The following ROBO2 variants were observed in gnomAD, a reference collection of about 807,000 sequenced individuals.
ROBO2 encodes roundabout homolog 2.
A neutral mutation model predicts 160.8 loss-of-function variants in ROBO2; 53 were observed. The ratio of observed to expected loss-of-function variants is 0.33; its 90% CI spans 0.26 to 0.41. The LOEUF is 0.41. Ranked by LOEUF, ROBO2 falls within the 10% of genes least tolerant of loss-of-function variation. ROBO2 has a pLI of 1.00. For synonymous variants in ROBO2, 664 were observed against 611.7 expected (o/e 1.09, Z -1.26); for missense variants, 1,577 against 1,722.4 (o/e 0.92, Z 1.49).
intron 2 of ROBO2, among the ~76,000 whole-genome samples, chr3:76,947,995 T>C (rs1162532822): frequency 6.6e-6 from 1 of 152,228 alleles, no homozygotes; most frequent in African/African-American, 2.4e-5. Flanking sequence ...AGGATAATTT[T>C]CCTTTGTTTT....
chr3:77,380,908 T>G (rs1188959785), intron 2 of ROBO2, among the ~76,000 whole-genome samples: 1 of 150,696 alleles, frequency 6.6e-6, no homozygotes. Flanking sequence ...TCAAAGAGAG[T>G]AAAATCACAG....
intron 2 of ROBO2, among the ~76,000 whole-genome samples, chr3:76,208,963 T>A (rs139270934): frequency 3.4e-4 from 52 of 152,300 alleles, no homozygotes; most frequent in African/African-American, 1.1e-3. Flanking sequence ...CCTGCTTTCA[T>A]GAAACAAATG....
chr3:77,609,791 CATAT>C lies in ROBO2; in HGVS notation c.3293+1854_3293+1857del, dbSNP rs34908269. ...TACATATTTGGAAACTTTATATATA[CATAT>C]ATATATATATATATATTTATATGTA... On this transcript the variant is annotated intron_variant, in intron 21 of 25. Transcript: ENST00000461745. Among the ~76,000 whole-genome samples the C allele has an allele frequency of 3.7e-3, 530 of 143,646 alleles. 4 individuals carry two copies. The highest frequency in any genetic ancestry group is 4.5e-3 in the Admixed American group (64 of 14,278). 94.2% of individuals were successfully genotyped at this position (143,646 alleles called of 152,430 possible).
intron 20 of ROBO2, among the ~76,000 whole-genome samples, chr3:77,606,878 T>C (rs1306696450): frequency 6.6e-6 from 1 of 152,212 alleles, no homozygotes; most frequent in Non-Finnish European, 1.5e-5. Context: ...AGTTATATAG[T>C]GTCCCCTGAA....
chr3:76,845,475 C>T (rs1473280308), intron 2 of ROBO2, among the ~76,000 whole-genome samples: 1 of 151,830 alleles, frequency 6.6e-6, no homozygotes. Context: ...CTTTATCTTT[C>T]CAATGTGACA....
chr3:77,283,337 A>G lies in ROBO2; in HGVS notation c.388+184997A>G, dbSNP rs147175379. On this transcript the variant is annotated intron_variant, in intron 2 of 25. Coordinates refer to ENST00000461745, the Ensembl canonical transcript of ROBO2. ...CAACGTTACAGGCCACCTGCACTTC[A>G]AAGAATTTACATTGGAGCAGATGGA... is the stretch of plus-strand genomic sequence containing the variant. Among the ~76,000 whole-genome samples, 762 of 152,322 alleles carry G rather than the reference A, an allele frequency of 5.0e-3. 6 individuals carry two copies. The highest frequency in any genetic ancestry group is 0.031 in the Middle Eastern group (9 of 294).
rs1428158272 is a variant in ROBO2, at chr3:76,608,248, G to T, written c.110-489766G>T. On this transcript the variant is annotated intron_variant, in intron 2 of 26. Transcript: ENST00000487694. ...TATCATCCTTTCTCACCCTTCTTGG[G>T]CAGTGATGCTTTGTCTTCTTGAAGT... Among the ~76,000 whole-genome samples, 3 of 152,106 alleles carry T rather than the reference G, an allele frequency of 2.0e-5. No homozygotes were observed. The East Asian group carries it at 5.8e-4, about 29-fold the overall frequency.
At chr3:77,593,528 G>T (rs1226253818) in intron 17 of ROBO2, among the ~76,000 whole-genome samples, 1 of 152,068 alleles carries the variant, frequency 6.6e-6, no homozygotes, top group African/African-American at 2.4e-5. Flanking sequence ...ATGCATTTGA[G>T]ATATTACACA....
intron 2 of ROBO2, among the ~76,000 whole-genome samples, chr3:76,749,868 G>A (rs7426465): frequency 0.018 from 2,750 of 152,048 alleles, 69 homozygotes; most frequent in African/African-American, 0.058. Flanking sequence ...TACCAGAGGT[G>A]CAAAGAGGAG....
chr3:76,236,326 A>T (rs757439377), intron 2 of ROBO2, among the ~76,000 whole-genome samples: 1 of 152,060 alleles, frequency 6.6e-6, no homozygotes, highest in South Asian at 2.1e-4. Flanking sequence ...AATTATGTCA[A>T]TGTTTATCTT....
chr3:76,276,031 A>G (rs972584388), intron 2 of ROBO2, among the ~76,000 whole-genome samples: 2 of 152,224 alleles, frequency 1.3e-5, no homozygotes, highest in South Asian at 2.1e-4. Flanking sequence ...GATAATTAAC[A>G]TATAAGTACA....
At chr3:76,354,889 C>G (rs996692160) in intron 2 of ROBO2, among the ~76,000 whole-genome samples, 3 of 151,762 alleles carry the variant, frequency 2.0e-5, no homozygotes, top group African/African-American at 7.3e-5. Flanking sequence ...AGATGTTTCT[C>G]CATTTATTCA....
intron 2 of ROBO2, among the ~76,000 whole-genome samples, chr3:77,361,499 G>C (rs139382739): frequency 6.6e-6 from 1 of 152,120 alleles, no homozygotes; most frequent in African/African-American, 2.4e-5. Flanking sequence ...CTTAGGCTGA[G>C]TAATTTAGAC....
At chr3:77,080,707 G>A (rs1397037047) in intron 1 of ROBO2, among the ~76,000 whole-genome samples, 2 of 152,184 alleles carry the variant, frequency 1.3e-5, no homozygotes, top group African/African-American at 2.4e-5. Context: ...GCTAGCTACA[G>A]TTGACGGTAA....
chr3:77,353,730 C>G (rs576033759), intron 2 of ROBO2, among the ~76,000 whole-genome samples: 1 of 152,144 alleles, frequency 6.6e-6, no homozygotes, highest in South Asian at 2.1e-4. Flanking sequence ...AGGCTGGTCT[C>G]AAACTCCTGG....
intron 2 of ROBO2, among the ~76,000 whole-genome samples, chr3:76,234,638 A>G (rs1704828061): frequency 6.6e-6 from 1 of 152,076 alleles, no homozygotes; most frequent in Non-Finnish European, 1.5e-5. Context: ...TTACCGATGG[A>G]CATGTTTTCG....
At chr3:76,435,384 C>G in intron 2 of ROBO2, 1 of 781,824 alleles carries the variant, frequency 1.3e-6, no homozygotes, top group Non-Finnish European at 2.4e-6. Flanking sequence ...GACCCTACAG[C>G]ATGGGCAGAA....
intron 1 of ROBO2, among the ~76,000 whole-genome samples, chr3:77,054,389 G>A (rs370905970): frequency 8.5e-5 from 13 of 152,190 alleles, no homozygotes; most frequent in Admixed American, 2.6e-4. Context: ...CCTATACAAC[G>A]TATGCCATCT....
chr3:77,359,602 A>G (rs2069631872), intron 2 of ROBO2, among the ~76,000 whole-genome samples: 1 of 152,112 alleles, frequency 6.6e-6, no homozygotes, highest in African/African-American at 2.4e-5. Context: ...CATCCACCAG[A>G]GCAGATAGGG....
Sources: allele counts gnomAD v4.1 joint callset (sites outside exome capture counted in the v4.1 genomes callset), GRCh38; gene constraint gnomAD v4.1.1; transcripts MANE v1.5; gene names NCBI Gene and HGNC (gene_info 2026-07-23, HGNC 2026-07-21).